Variants in SCAPER observed in about 807,000 individuals in gnomAD.
SCAPER encodes the protein S phase cyclin A-associated protein in the endoplasmic reticulum.
In SCAPER, 98 loss-of-function variants were observed where a neutral mutation model predicts 182.2. The ratio of observed to expected loss-of-function variants is 0.54; its 90% CI spans 0.46 to 0.64. SCAPER has a LOEUF of 0.64. Ranked by LOEUF, SCAPER falls within the 30% of genes least tolerant of loss-of-function variation. SCAPER has a pLI of 0.00. For synonymous variants in SCAPER, 605 were observed against 564.6 expected (o/e 1.07, Z -1.01); for missense variants, 1,432 against 1,690.0 (o/e 0.85, Z 2.68).
At chr15:76,835,222 T>A (rs2068827041) in intron 5 of SCAPER, among the ~76,000 whole-genome samples, 1 of 151,438 alleles carries the variant, frequency 6.6e-6, no homozygotes, top group African/African-American at 2.4e-5. Context: ...TAGGAATAAA[T>A]TAAACCAGAA....
intron 1 of SCAPER, among the ~76,000 whole-genome samples, chr15:76,891,729 G>T (rs2074178462): frequency 6.6e-6 from 1 of 152,104 alleles, no homozygotes; most frequent in Admixed American, 6.5e-5. Context: ...CATGAAAATG[G>T]CCATACTGTC....
At chr15:76,383,149 C>CAT (rs2043080550) in intron 27 of SCAPER, among the ~76,000 whole-genome samples, 8 of 151,636 alleles carry the variant, frequency 5.3e-5, no homozygotes, top group Admixed American at 3.3e-4. Context: ...CATATATACA[C>CAT]ATATATATAG....
At chr15:76,720,006 G>A (rs1486508427) in intron 17 of SCAPER, among the ~76,000 whole-genome samples, 1 of 151,364 alleles carries the variant, frequency 6.6e-6, no homozygotes, top group African/African-American at 2.4e-5. Flanking sequence ...GTATACATGT[G>A]CCATGTTGGT....
At chr15:76,444,494 A>G (rs931660683) in intron 25 of SCAPER, among the ~76,000 whole-genome samples, 1 of 152,162 alleles carries the variant, frequency 6.6e-6, no homozygotes, top group Non-Finnish European at 1.5e-5. Flanking sequence ...ATTTTTAAAT[A>G]AAATTTTGTT....
At chr15:76,406,594 G>A (rs1394255968) in intron 26 of SCAPER, among the ~76,000 whole-genome samples, 1 of 150,140 alleles carries the variant, frequency 6.7e-6, no homozygotes, top group Admixed American at 6.7e-5. Context: ...ACTGGCCTGG[G>A]CAACATAGTG....
intron 6 of SCAPER, among the ~76,000 whole-genome samples, chr15:76,802,200 G>T (rs1409404917): frequency 6.6e-6 from 1 of 152,126 alleles, no homozygotes; most frequent in African/African-American, 2.4e-5. Context: ...GATATAAACT[G>T]TACAAGGTCA....
chr15:76,797,568 GGAGGAA>G (rs1568168039), intron 7 of SCAPER: 9 of 152,180 alleles, frequency 5.9e-5, no homozygotes, highest in African/African-American at 2.2e-4. Context: ...CTCTAAGAAA[GGAGGAA>G]CTGACAAGCA....
At chr15:76,468,402 CAT>C (rs1437338061) in intron 25 of SCAPER, among the ~76,000 whole-genome samples, 3 of 152,068 alleles carry the variant, frequency 2.0e-5, no homozygotes, top group Admixed American at 6.6e-5. Context: ...GCAGAATAAA[CAT>C]AGAATGTGGT....
intron 16 of SCAPER, among the ~76,000 whole-genome samples, chr15:76,730,984 T>C (rs1437871030): frequency 1.3e-5 from 2 of 152,152 alleles, no homozygotes; most frequent in East Asian, 1.9e-4. Flanking sequence ...AAAAGAGAAC[T>C]GGTAGCCATA....
At chr15:76,675,714 G>A (rs886487200) in intron 20 of SCAPER, among the ~76,000 whole-genome samples, 3 of 152,152 alleles carry the variant, frequency 2.0e-5, no homozygotes, top group African/African-American at 7.2e-5. Context: ...TGTAGGTTCT[G>A]AAATTACTCT....
At position 76,654,347 on chromosome 15, in the gene SCAPER, G is replaced by A. The variant is rs147182202; in HGVS notation, c.2645+11306C>T. On this transcript the variant is annotated intron_variant, in intron 21 of 31. Transcript: ENST00000563290. ...GGCGTGAACCCGGGAGGCGGAGCTTGCAGTGAGCCGAGATCACACCACTGC... is the reference window on the plus strand; with the variant it reads ...GGCGTGAACCCGGGAGGCGGAGCTTACAGTGAGCCGAGATCACACCACTGC... Among the ~76,000 whole-genome samples, 1,138 of 152,246 alleles carry A rather than the reference G, an allele frequency of 7.5e-3. 6 individuals carry two copies. Among genetic ancestry groups the A allele is most frequent in the Middle Eastern group, 0.024 (7 of 294 alleles).
At chr15:76,453,880 G>C (rs2048542019) in intron 25 of SCAPER, among the ~76,000 whole-genome samples, 1 of 152,176 alleles carries the variant, frequency 6.6e-6, no homozygotes, top group African/African-American at 2.4e-5. Flanking sequence ...CCGAGATACA[G>C]GTCTTCCTGC....
intron 2 of SCAPER, among the ~76,000 whole-genome samples, chr15:76,863,088 G>A (rs760782752): frequency 1.4e-4 from 22 of 152,050 alleles, no homozygotes; most frequent in Non-Finnish European, 2.8e-4. Flanking sequence ...CAGAACATAC[G>A]TAATTTCTTG....
chr15:76,707,933 T>A (rs942045344), intron 17 of SCAPER, among the ~76,000 whole-genome samples: 1 of 152,076 alleles, frequency 6.6e-6, no homozygotes, highest in African/African-American at 2.4e-5. Context: ...AGATCAACAA[T>A]AGGAAGAAAT....
At chr15:76,530,183 A>C (rs2043535266) in intron 23 of SCAPER, among the ~76,000 whole-genome samples, 1 of 152,176 alleles carries the variant, frequency 6.6e-6, no homozygotes, top group Admixed American at 6.5e-5. Flanking sequence ...CATACTGCAT[A>C]ATACCGTTAC....
intron 21 of SCAPER, among the ~76,000 whole-genome samples, chr15:76,634,254 C>G (rs916179839): frequency 1.3e-5 from 2 of 152,194 alleles, no homozygotes; most frequent in African/African-American, 4.8e-5. Context: ...TATGCAGCTC[C>G]CAGGTAGACC....
rs2063152010 is a variant in SCAPER at position 76,766,924 on chromosome 15, A to T, written c.1413T>A (p.Asp471Glu). Residue 471 changes from aspartate to glutamate, a missense_variant, in exon 11 of 32, where the codon GAT becomes GAA. By Grantham distance (45) the Asp-to-Glu change is conservative. Transcript: ENST00000563290. ...AAAAAGTCTAAAAGCTCACAGAAAA[A>T]TCACTGTCGTTGTCAGTTTCAATGT... ...DINIETDNDS[D>E]FSASMGSGSV... 1 of 1,585,816 alleles carries T rather than the reference A, an allele frequency of 6.3e-7. No individual in the cohort carries two copies. The highest frequency in any genetic ancestry group is 8.5e-7 in the Non-Finnish European group (1 of 1,172,808).
intron 14 of SCAPER, 94 bp downstream of exon 14, chr15:76,764,867 A>T (rs1481334506): frequency 1.5e-6 from 1 of 652,938 alleles, no homozygotes; most frequent in Non-Finnish European, 2.5e-6. Flanking sequence ...AATTATTTTT[A>T]TGGTTATTTT....
chr15:76,878,557 TAGG>T (rs1355466531), intron 2 of SCAPER, among the ~76,000 whole-genome samples: 5 of 151,816 alleles, frequency 3.3e-5, no homozygotes, highest in South Asian at 2.1e-4. Flanking sequence ...AGCTACAGAG[TAGG>T]AGAAGTGCCA....
Sources: allele counts gnomAD v4.1 joint callset (sites outside exome capture counted in the v4.1 genomes callset), GRCh38; gene constraint gnomAD v4.1.1; transcripts MANE v1.5; gene names NCBI Gene and HGNC (gene_info 2026-07-23, HGNC 2026-07-21).